NRXN3: variants seen among roughly 807,000 people sequenced by gnomAD.
NRXN3 encodes neurexin III.
NRXN3 carries 32 observed loss-of-function variants against 137.6 expected under a neutral mutation model. The ratio of observed to expected loss-of-function variants is 0.23; its 90% CI spans 0.18 to 0.31. The LOEUF (loss-of-function observed/expected upper bound fraction) is 0.31. Ranked by LOEUF, NRXN3 falls within the 10% of genes least tolerant of loss-of-function variation. NRXN3 has a pLI of 1.00. For synonymous variants in NRXN3, 798 were observed against 784.5 expected (o/e 1.02, Z -0.29); for missense variants, 1,574 against 2,062.5 (o/e 0.76, Z 4.59).
chr14:79,223,449 C>G (rs937333515), intron 15 of NRXN3, among the ~76,000 whole-genome samples: 2 of 151,956 alleles, frequency 1.3e-5, no homozygotes, highest in African/African-American at 4.8e-5. Flanking sequence ...CTCATTTTTC[C>G]TTTTAGAAAT....
intron 3 of NRXN3, 78 bp downstream of exon 3, chr14:78,278,740 C>G: frequency 4.9e-6 from 6 of 1,220,242 alleles, no homozygotes; most frequent in Non-Finnish European, 7.0e-6. Flanking sequence ...CTGAGTGAGA[C>G]TTTTATAGAG....
chr14:78,200,629 T>C (rs2061592653), intron 1 of NRXN3, among the ~76,000 whole-genome samples: 1 of 152,188 alleles, frequency 6.6e-6, no homozygotes, highest in Non-Finnish European at 1.5e-5. Context: ...AGACAGATCT[T>C]GCAGCTCTCA....
intron 4 of NRXN3, among the ~76,000 whole-genome samples, chr14:78,352,764 C>A (rs1597663320): frequency 6.6e-6 from 1 of 152,160 alleles, no homozygotes; most frequent in South Asian, 2.1e-4. Flanking sequence ...CACCTGAGAC[C>A]TAGATGTAAG....
At chr14:79,768,200 G>T (rs1381789740) in intron 19 of NRXN3, among the ~76,000 whole-genome samples, 1 of 152,220 alleles carries the variant, frequency 6.6e-6, no homozygotes, top group African/African-American at 2.4e-5. Context: ...TGGGGGAGGG[G>T]CGCCTGCCAT....
At chr14:79,333,545 G>C (rs1231905165) in intron 15 of NRXN3, among the ~76,000 whole-genome samples, 1 of 152,124 alleles carries the variant, frequency 6.6e-6, no homozygotes, top group Non-Finnish European at 1.5e-5. Flanking sequence ...ATTGGAGAAG[G>C]GCCGCTGAAG....
intron 4 of NRXN3, among the ~76,000 whole-genome samples, chr14:78,317,446 T>C (rs2078841499): frequency 6.6e-6 from 1 of 152,196 alleles, no homozygotes; most frequent in South Asian, 2.1e-4. Flanking sequence ...AGGTTGTGTG[T>C]TCCTTATAAG....
chr14:78,574,942 C>T (rs56303355), intron 4 of NRXN3, among the ~76,000 whole-genome samples: 1,580 of 152,218 alleles, frequency 0.01, 24 homozygotes, highest in African/African-American at 0.036. Context: ...CCAAATCTCA[C>T]CTTGAATTAT....
chr14:79,742,200 C>T (rs907201049), intron 19 of NRXN3, among the ~76,000 whole-genome samples: 3 of 86,202 alleles, frequency 3.5e-5, no homozygotes, highest in African/African-American at 6.5e-5. Flanking sequence ...TTACATTATA[C>T]ACTACCTCTA....
At chr14:78,925,842 A>G (rs1046072764) in intron 10 of NRXN3, among the ~76,000 whole-genome samples, 1 of 152,276 alleles carries the variant, frequency 6.6e-6, no homozygotes, top group South Asian at 2.1e-4. Context: ...GACCTTAAGG[A>G]GAAATATACA....
intron 20 of NRXN3, among the ~76,000 whole-genome samples, chr14:79,847,240 A>G (rs1228864900): frequency 6.6e-6 from 1 of 152,070 alleles, no homozygotes; most frequent in African/African-American, 2.4e-5. Flanking sequence ...ACTTCCTTCC[A>G]ATCTCCATCT....
At chr14:78,262,664 T>C (rs2070949983) in intron 2 of NRXN3, among the ~76,000 whole-genome samples, 1 of 152,110 alleles carries the variant, frequency 6.6e-6, no homozygotes, top group Non-Finnish European at 1.5e-5. Context: ...GTTTTCTCGG[T>C]ACATGAAGAG....
intron 19 of NRXN3, among the ~76,000 whole-genome samples, chr14:79,752,963 G>GA (rs1244403560): frequency 6.6e-6 from 1 of 152,052 alleles, no homozygotes; most frequent in Non-Finnish European, 1.5e-5. Flanking sequence ...AAAGACACAT[G>GA]AAAAAATGCT....
At chr14:78,462,448 A>G (rs2094949725) in intron 4 of NRXN3, among the ~76,000 whole-genome samples, 1 of 152,168 alleles carries the variant, frequency 6.6e-6, no homozygotes, top group Non-Finnish European at 1.5e-5. Context: ...TCAACGTATG[A>G]GACACCAGGA....
intron 4 of NRXN3, among the ~76,000 whole-genome samples, chr14:78,563,277 G>A (rs769414260): frequency 2.0e-5 from 3 of 152,166 alleles, no homozygotes; most frequent in East Asian, 1.9e-4. Context: ...AATATTCATC[G>A]ATTAGGGGAC....
At chr14:78,183,491 A>C (rs1451704479) in intron 1 of NRXN3, among the ~76,000 whole-genome samples, 1 of 152,182 alleles carries the variant, frequency 6.6e-6, no homozygotes, top group African/African-American at 2.4e-5. Context: ...CAGGAGAAGG[A>C]GGCAAGAAGG....
intron 8 of NRXN3, among the ~76,000 whole-genome samples, chr14:78,771,866 T>A (rs1160060310): frequency 6.6e-6 from 1 of 152,174 alleles, no homozygotes; most frequent in Non-Finnish European, 1.5e-5. Flanking sequence ...TTCTACAGAT[T>A]GAGTATTCCT....
intron 16 of NRXN3, among the ~76,000 whole-genome samples, chr14:79,663,318 C>A (rs1567816250): frequency 1.3e-5 from 2 of 152,008 alleles, no homozygotes; most frequent in East Asian, 3.9e-4. Flanking sequence ...TGGCTCCTAA[C>A]CATTCTGTAC....
intron 15 of NRXN3, among the ~76,000 whole-genome samples, chr14:79,403,918 G>C (rs1444285680): frequency 1.3e-5 from 2 of 152,114 alleles, no homozygotes; most frequent in Non-Finnish European, 2.9e-5. Context: ...TCACCTCCTC[G>C]ATTTTATTCA....
At chr14:79,727,621 C>T (rs558388340) in intron 19 of NRXN3, among the ~76,000 whole-genome samples, 1 of 152,230 alleles carries the variant, frequency 6.6e-6, no homozygotes, top group East Asian at 1.9e-4. Context: ...AAAAAATTGG[C>T]CAGCCTAAAC....
Sources: gnomAD v4.1 joint callset for allele counts (sites outside exome capture counted in the v4.1 genomes callset) on GRCh38, gnomAD v4.1.1 for gene constraint, MANE v1.5 for transcripts, NCBI Gene and HGNC (gene_info 2026-07-23, HGNC 2026-07-21) for gene names.